RPH3AL: variants seen among roughly 807,000 people sequenced by gnomAD.
RPH3AL encodes rabphilin 3A like (without C2 domains), also known as rab effector Noc2.
A neutral mutation model predicts 43.1 loss-of-function variants in RPH3AL; 38 were observed. The ratio of observed to expected loss-of-function variants is 0.88; its 90% CI spans 0.68 to 1.15. The LOEUF is 1.15. Among genes scored for constraint, RPH3AL ranks in the 50% most tolerant of loss-of-function variants. The pLI is 0.00. For synonymous variants in RPH3AL, 189 were observed against 176.3 expected (o/e 1.07, Z -0.57); for missense variants, 462 against 423.2 (o/e 1.09, Z -0.81).
chr17:319,018 C>CA (rs770317671), intron 5 of RPH3AL, among the ~76,000 whole-genome samples: 3 of 152,174 alleles, frequency 2.0e-5, no homozygotes, highest in Non-Finnish European at 4.4e-5. Context: ...AAGAGTTTTG[C>CA]GTTGAAGAAT....
At chr17:242,651 T>G (rs2041586224) in intron 7 of RPH3AL, among the ~76,000 whole-genome samples, 1 of 143,058 alleles carries the variant, frequency 7.0e-6, no homozygotes, top group Non-Finnish European at 1.5e-5. Flanking sequence ...TTACCCTTCC[T>G]CTATTGACTA....
chr17:269,591 A>G (rs7501898), intron 6 of RPH3AL, among the ~76,000 whole-genome samples: 100,284 of 152,102 alleles, frequency 0.66, 33,352 homozygotes, highest in East Asian at 0.78. Flanking sequence ...ATTACTACCC[A>G]ACGTCTTTGG....
At chr17:320,245 G>GGACAGGGGCAT (rs1286946422) in intron 4 of RPH3AL, among the ~76,000 whole-genome samples, 1 of 149,068 alleles carries the variant, frequency 6.7e-6, no homozygotes, top group Non-Finnish European at 1.5e-5. Context: ...GGACATTGAG[G>GGACAGGGGCAT]GACAGGGGCA....
At chr17:340,338 G>GA (rs2045078078) in intron 1 of RPH3AL, among the ~76,000 whole-genome samples, 1 of 149,708 alleles carries the variant, frequency 6.7e-6, no homozygotes, top group African/African-American at 2.5e-5. Context: ...TCATGCCCAG[G>GA]CCCAGGCCTC....
In RPH3AL at chr17:333,343, A is replaced by C; in HGVS notation, c.-37+416T>G. ...AAGAGAAAACACCTTAAATTCTCAC[A>C]TCAGCCACCCCCATGGCGACTCTTA... is the stretch of plus-strand genomic sequence containing the variant. On this transcript the variant is annotated intron_variant, in intron 2 of 9. Coordinates refer to ENST00000331302, the MANE Select transcript of RPH3AL (RefSeq NM_006987.4). The surrounding 1 kb of genome is among the most constrained non-coding windows in gnomAD (Gnocchi z 4.5). 1 of 1,249,566 alleles carries C rather than the reference A, an allele frequency of 8.0e-7. No individual in the cohort carries two copies. Among genetic ancestry groups the C allele is most frequent in the South Asian group, 1.2e-5 (1 of 80,152 alleles). The allele number at this position is 1,249,566 out of a possible 1,614,324, so 77.4% of individuals were successfully genotyped here. A position where few individuals can be genotyped will look rare whatever the true frequency, so the allele number is the denominator to read the frequency against.
chr17:237,339 G>A (rs1045652985), intron 7 of RPH3AL, among the ~76,000 whole-genome samples: 1 of 152,118 alleles, frequency 6.6e-6, no homozygotes, highest in Non-Finnish European at 1.5e-5. Flanking sequence ...AACCTGTAAG[G>A]GAACCAGTGT....
intron 7 of RPH3AL, among the ~76,000 whole-genome samples, chr17:219,944 G>A (rs1035513831): frequency 1.3e-4 from 20 of 152,188 alleles, no homozygotes; most frequent in Non-Finnish European, 2.5e-4. Flanking sequence ...CTGATGTGAG[G>A]AGGCTGGGAT....
chr17:230,877 G>A (rs1299355459), intron 7 of RPH3AL, among the ~76,000 whole-genome samples: 1 of 152,054 alleles, frequency 6.6e-6, no homozygotes, highest in African/African-American at 2.4e-5. Context: ...ATAGAGACAG[G>A]GTCTCGCTAT....
Position 213,573 on chromosome 17 carries a change from A to G in RPH3AL, c.*279T>C. The G allele has an allele frequency of 5.5e-6, 3 of 542,844 alleles. No homozygotes were observed. Among genetic ancestry groups the G allele is most frequent in the Non-Finnish European group, 9.9e-6 (3 of 301,844 alleles). 33.6% of individuals were successfully genotyped at this position (542,844 alleles called of 1,614,324 possible). On this transcript the variant is annotated 3_prime_UTR_variant, in exon 10 of 10. Transcript: ENST00000331302. ...AACCCAAGACACGCGCAAACTTAAA[A>G]TCATCACCAGGTAGATTGGGGGTGT...
intron 4 of RPH3AL, 91 bp downstream of exon 4, chr17:321,181 C>T (rs2044459781): frequency 1.4e-6 from 2 of 1,476,468 alleles, no homozygotes; most frequent in Admixed American, 3.7e-5. Flanking sequence ...AATAGCAAAA[C>T]CAGGACCCGG....
In RPH3AL at chr17:283,383, AC is replaced by A. The variant is rs1048339007; in HGVS notation, c.352-1530del. Among the ~76,000 whole-genome samples, 54 of 152,240 alleles carry A rather than the reference AC, an allele frequency of 3.5e-4. No homozygotes were observed. Among genetic ancestry groups the A allele is most frequent in the African/African-American group, 1.2e-3 (48 of 41,548 alleles). ...ACTCACGGGGGACGGAAGCTATGAT[AC>A]ATTCCTGCGGGGGACGGATTTGCTA... is the stretch of plus-strand genomic sequence containing the variant. On this transcript the variant is annotated intron_variant, in intron 5 of 9. Transcript: ENST00000331302. This position sits in a 1 kb window ranked among gnomAD's most constrained non-coding sequence, Gnocchi z 4.2.
At chr17:314,300 G>A (rs963052911) in intron 5 of RPH3AL, among the ~76,000 whole-genome samples, 9 of 151,976 alleles carry the variant, frequency 5.9e-5, no homozygotes, top group Middle Eastern at 3.4e-3. Flanking sequence ...ATTCACAGCA[G>A]CTGTGGGGTT....
At chr17:332,481 C>T (rs2044805426) in intron 2 of RPH3AL, 1 of 166,608 alleles carries the variant, frequency 6.0e-6, no homozygotes, top group African/African-American at 2.4e-5. Flanking sequence ...TCCCTACATC[C>T]TCCTCCTTCC....
intron 5 of RPH3AL, among the ~76,000 whole-genome samples, chr17:295,137 G>A (rs2043143232): frequency 1.4e-5 from 2 of 138,966 alleles, no homozygotes; most frequent in Non-Finnish European, 3.1e-5. Context: ...AGTGTGGGAG[G>A]GACAGAGGGA....
chr17:323,815 A>G lies in RPH3AL; in HGVS notation c.78-2400T>C, dbSNP rs570151160. On this transcript the variant is annotated intron_variant, in intron 3 of 9. Transcript: ENST00000331302. This position sits in a 1 kb window ranked among gnomAD's most constrained non-coding sequence, Gnocchi z 4.4. ...ACCCCGAGGCAGGCCCGGACCCTCC[A>G]TCACCCCGCGAGACAGTCCAGACCC... Among the ~76,000 whole-genome samples the G allele has an allele frequency of 6.9e-6, 1 of 144,600 alleles. No homozygotes were observed. The highest frequency in any genetic ancestry group is 2.6e-5 in the African/African-American group (1 of 38,744). 94.9% of individuals were successfully genotyped at this position (144,600 alleles called of 152,430 possible). A position where few individuals can be genotyped will look rare whatever the true frequency, so the allele number is the denominator to read the frequency against.
chr17:217,400 C>G (rs1484109481), intron 8 of RPH3AL, among the ~76,000 whole-genome samples: 1 of 62,938 alleles, frequency 1.6e-5, no homozygotes. Context: ...TCGTTCCCAT[C>G]TCGGGCAGTT....
At chr17:223,121 C>T (rs1485050932) in intron 7 of RPH3AL, among the ~76,000 whole-genome samples, 4 of 150,056 alleles carry the variant, frequency 2.7e-5, no homozygotes, top group Non-Finnish European at 4.4e-5. Context: ...ACCTGGGAGG[C>T]GGAGGTTGCA....
chr17:267,599 G>A (rs2042353109), intron 6 of RPH3AL, among the ~76,000 whole-genome samples: 1 of 152,234 alleles, frequency 6.6e-6, no homozygotes, highest in Non-Finnish European at 1.5e-5. Context: ...GTGGTGCAGA[G>A]CGGGCGGCCT....
intron 6 of RPH3AL, chr17:247,636 G>A: frequency 4.8e-5 from 12 of 249,248 alleles, no homozygotes; most frequent in South Asian, 4.5e-4. Flanking sequence ...CTGTACCTGG[G>A]TCTACACCTG....
Sources: allele counts gnomAD v4.1 joint callset (sites outside exome capture counted in the v4.1 genomes callset), GRCh38; gene constraint gnomAD v4.1.1; non-coding constraint Gnocchi (gnomAD v3.1); transcripts MANE v1.5; gene names NCBI Gene and HGNC (gene_info 2026-07-23, HGNC 2026-07-21).